Variants in BPIFB4 observed in about 807,000 individuals in gnomAD.
BPIFB4 encodes the protein BPI fold-containing family B member 4.
BPIFB4 carries 62 observed loss-of-function variants against 69.2 expected under a neutral mutation model. The ratio of observed to expected loss-of-function variants is 0.90; its 90% confidence interval spans 0.73 to 1.11. BPIFB4 has a LOEUF of 1.11. Ranked by LOEUF, BPIFB4 falls within the 50% of genes least tolerant of loss-of-function variation. BPIFB4 has a pLI of 0.00. For missense variants in BPIFB4, 789 were observed against 792.0 expected (o/e 1.00, Z 0.04); for synonymous variants, 330 against 332.7 (o/e 0.99, Z 0.09).
chr20:33,088,028 G>A (rs970796831), intron 7 of BPIFB4, among the ~76,000 whole-genome samples: 1 of 152,110 alleles, frequency 6.6e-6, no homozygotes, highest in Non-Finnish European at 1.5e-5. Context: ...CAAGAGGTCC[G>A]GCGGTCAGAG....
intron 10 of BPIFB4, 53 bp downstream of exon 10, chr20:33,090,852 G>A (rs1981580578): frequency 1.2e-5 from 20 of 1,602,230 alleles, no homozygotes; most frequent in Middle Eastern, 1.7e-4. Flanking sequence ...CCAAAGGCAG[G>A]AGTATCAGTG....
At chr20:33,091,617 C>G (rs1981602512) in intron 10 of BPIFB4, among the ~76,000 whole-genome samples, 1 of 152,230 alleles carries the variant, frequency 6.6e-6, no homozygotes, top group Non-Finnish European at 1.5e-5. Context: ...TGCATGCACA[C>G]CTAATATATT....
In BPIFB4 at chr20:33,109,979, T is replaced by C. The variant is rs551671139; in HGVS notation, c.1822-1435T>C. 8.5e-5 allele frequency among the ~76,000 whole-genome samples: 13 copies of C among 152,316 alleles called. No homozygotes were observed. In the South Asian group the frequency reaches 2.7e-3, roughly 32 times the overall value. On this transcript the variant is annotated intron_variant, in intron 17 of 17. Transcript: ENST00000375483. ...TAGGCACACAGAAAAGTTGCAAACATAGTACAGACAGTTCCAGAATACCCT... is the reference window on the plus strand; with the variant it reads ...TAGGCACACAGAAAAGTTGCAAACACAGTACAGACAGTTCCAGAATACCCT...
intron 3 of BPIFB4, 136 bp downstream of exon 3, chr20:33,081,768 T>G: frequency 6.9e-7 from 1 of 1,439,456 alleles, no homozygotes. Flanking sequence ...TCTCTGGGCC[T>G]TAGTTTCTCC....
At chr20:33,101,843 G>A (rs2064924670) in intron 14 of BPIFB4, among the ~76,000 whole-genome samples, 1 of 152,122 alleles carries the variant, frequency 6.6e-6, no homozygotes, top group South Asian at 2.1e-4. Flanking sequence ...ACTGCACCCG[G>A]CCTTCCTTTA....
chr20:33,100,609 G>A (rs1600561696), intron 14 of BPIFB4, 116 bp downstream of exon 14: 2 of 916,586 alleles, frequency 2.2e-6, no homozygotes, highest in Non-Finnish European at 3.3e-6. Context: ...AACCCAAGGG[G>A]CTGCAAAGGT....
intron 7 of BPIFB4, among the ~76,000 whole-genome samples, chr20:33,087,696 G>A (rs1981470178): frequency 1.7e-5 from 2 of 121,026 alleles, no homozygotes; most frequent in Non-Finnish European, 1.7e-5. Context: ...TGTACATAAA[G>A]GAAAGTCCAA....
intron 15 of BPIFB4, among the ~76,000 whole-genome samples, chr20:33,103,873 G>A (rs13044139): frequency 0.21 from 32,221 of 152,116 alleles, 3,600 homozygotes; most frequent in Admixed American, 0.28. Flanking sequence ...TGAAATCTCT[G>A]GACTCCAAGT....
At position 33,088,966 on chromosome 20, in the gene BPIFB4, G is replaced by C. The variant is rs149304342; in HGVS notation, c.927G>C (p.Gly309=). The C allele has an allele frequency of 2.5e-6, 4 of 1,613,764 alleles. No homozygotes were observed. In the Middle Eastern group the frequency reaches 6.6e-4, roughly 266 times the overall value. The change falls in exon 8 of 18, where the codon GGG becomes GGC. Residue 309 remains glycine (G), a splice_region_variant and synonymous_variant. Transcript: ENST00000375483. ...LGGIKVKLLR[G]LLPNLVDNLV... is the part of the protein sequence containing the mutation. Reference sequence around the variant, plus strand: ...CCTCATCCTGCTCCTGTCTCCTTAGGCTTCTCCCCAATCTCGTGGACAATT... The same window carrying C: ...CCTCATCCTGCTCCTGTCTCCTTAGCCTTCTCCCCAATCTCGTGGACAATT...
intron 7 of BPIFB4, 49 bp downstream of exon 7, chr20:33,086,213 T>G: frequency 1.3e-6 from 2 of 1,581,858 alleles, no homozygotes; most frequent in Non-Finnish European, 1.7e-6. Flanking sequence ...TGGAATGGTC[T>G]GTCTTTGGCA....
intron 17 of BPIFB4, among the ~76,000 whole-genome samples, chr20:33,110,316 T>C (rs1982198873): frequency 6.6e-6 from 1 of 152,206 alleles, no homozygotes; most frequent in Admixed American, 6.5e-5. Context: ...TTTTCACAAT[T>C]GGATTGAAGT....
At position 33,084,975 on chromosome 20, in the gene BPIFB4, G is replaced by T. The variant is rs751101194; in HGVS notation, c.761G>T (p.Arg254Leu). 6.2e-7 allele frequency: 1 copy of T among 1,612,090 alleles called. No individual in the cohort carries two copies. The highest frequency in any genetic ancestry group is 1.7e-5 in the Admixed American group (1 of 60,018). The stretch of plus-strand genomic sequence containing the variant: ...GGTGTCTACCTGAGCTTGTACACCC[G>T]TGTGGCCATCAACGGGAAGAGGTGC... ...GVGVYLSLYTRVAINGKSLIG... is the reference protein window; with the variant it reads ...GVGVYLSLYTLVAINGKSLIG... The change falls in exon 6 of 18, where the codon CGT (arginine) becomes CTT (leucine). Residue 254 changes from arginine to leucine, a missense_variant. Arg to Leu is a moderately radical substitution (Grantham distance 102). This residue lies in a region of BPIFB4 where 611 missense variants were observed against 575.4 expected (regional missense o/e 1.06). Transcript: ENST00000375483.
chr20:33,106,148 C>T (rs1982048668), intron 16 of BPIFB4, among the ~76,000 whole-genome samples: 1 of 152,206 alleles, frequency 6.6e-6, no homozygotes, highest in East Asian at 1.9e-4. Context: ...CCCCCATCCA[C>T]TCTTTCCTAC....
In BPIFB4 at chr20:33,085,935, G is replaced by A. The variant is rs1981409743; in HGVS notation, c.783-86G>A. 7.5e-6 allele frequency: 11 copies of A among 1,474,160 alleles called. No individual in the cohort carries two copies. The South Asian group carries it at 1.3e-4, about 17-fold the overall frequency. The allele number at this position is 1,474,160 out of a possible 1,614,324, so 91.3% of individuals were successfully genotyped here. ...GAGCAAGGAGCGTAGCAGATGGCAG[G>A]GACAGCAAGGACAGGCCTGGGTAAG... On this transcript the variant is annotated intron_variant, in intron 6 of 17. Transcript: ENST00000375483.
At chr20:33,108,756 A>G (rs1982149706) in intron 17 of BPIFB4, among the ~76,000 whole-genome samples, 1 of 152,214 alleles carries the variant, frequency 6.6e-6, no homozygotes, top group Non-Finnish European at 1.5e-5. Flanking sequence ...CATAATAAGC[A>G]CTTCTGGAAG....
At chr20:33,092,172 T>C (rs1981618334) in intron 10 of BPIFB4, among the ~76,000 whole-genome samples, 1 of 152,142 alleles carries the variant, frequency 6.6e-6, no homozygotes. Flanking sequence ...ATATGCATTG[T>C]ACAGATGCAT....
At chr20:33,094,850 C>A (rs1446915874) in intron 11 of BPIFB4, among the ~76,000 whole-genome samples, 1 of 152,168 alleles carries the variant, frequency 6.6e-6, no homozygotes. Context: ...GTTTTGCCTG[C>A]TGTTCTTTGA....
At chr20:33,089,586 G>A (rs1981537887) in intron 9 of BPIFB4, 28 bp downstream of exon 9, 3 of 1,614,050 alleles carry the variant, frequency 1.9e-6, no homozygotes, top group Non-Finnish European at 2.5e-6. Flanking sequence ...TCTCCAGCCT[G>A]GGGAAGGCAC....
chr20:33,107,649 A>G (rs1292471335), intron 16 of BPIFB4, 95 bp from the exon 17 acceptor site: 5 of 959,002 alleles, frequency 5.2e-6, no homozygotes, highest in Non-Finnish European at 8.3e-6. Context: ...AAAAGAAAAA[A>G]GAAATTGCCA....
Sources: gnomAD v4.1 joint callset for allele counts (sites outside exome capture counted in the v4.1 genomes callset) on GRCh38, gnomAD v4.1.1 for gene constraint, gnomAD v4.1.1 regional missense constraint, MANE v1.5 for transcripts, NCBI Gene and HGNC (gene_info 2026-07-23, HGNC 2026-07-21) for gene names.